GLG1: variants seen among roughly 807,000 people sequenced by gnomAD.
GLG1 encodes golgi glycoprotein 1.
In GLG1, 38 loss-of-function variants were observed where a neutral mutation model predicts 160.5. That is an observed-to-expected ratio of 0.24 (90% CI 0.18 to 0.31). The LOEUF (loss-of-function observed/expected upper bound fraction) is 0.31, where lower values mean the gene tolerates loss of function less well. GLG1 is among the 10% of genes least tolerant of loss of function. The pLI is 1.00. For synonymous variants in GLG1, 644 were observed against 543.4 expected (o/e 1.19, Z -2.57); for missense variants, 1,373 against 1,505.2 (o/e 0.91, Z 1.45).
chr16:74,451,881 G>A lies in GLG1; in HGVS notation c.*1286C>T, dbSNP rs1024287089. 2.6e-5 allele frequency: 15 copies of A among 581,508 alleles called. No homozygotes were observed. The highest frequency in any genetic ancestry group is 8.6e-5 in the East Asian group (3 of 34,770). The allele number at this position is 581,508 out of a possible 1,614,324, so 36.0% of individuals were successfully genotyped here. A position where few individuals can be genotyped will look rare whatever the true frequency, so the allele number is the denominator to read the frequency against. On this transcript the variant is annotated 3_prime_UTR_variant, in exon 26 of 26. Transcript: ENST00000422840. ...CATATTCTGCAAAGGTTGATGAATC[G>A]CCAAAATACAACATTTAGCCAATGC...
intron 2 of GLG1, among the ~76,000 whole-genome samples, chr16:74,522,252 G>A (rs1465992372): frequency 6.6e-6 from 1 of 152,210 alleles, no homozygotes; most frequent in Non-Finnish European, 1.5e-5. Flanking sequence ...AGCCCTTTTG[G>A]GCAGATTTAC....
At chr16:74,602,419 G>A (rs1262936504) in intron 1 of GLG1, among the ~76,000 whole-genome samples, 1 of 152,172 alleles carries the variant, frequency 6.6e-6, no homozygotes, top group African/African-American at 2.4e-5. Flanking sequence ...AGACATGCTT[G>A]AAGTATTTGA....
At chr16:74,532,055 G>C (rs1178414053) in intron 2 of GLG1, 66 bp downstream of exon 2, 1 of 616,662 alleles carries the variant, frequency 1.6e-6, no homozygotes, top group African/African-American at 1.9e-5. Flanking sequence ...AACAGGAAGA[G>C]CATCCCGAAA....
chr16:74,534,538 A>G (rs1165877034), intron 1 of GLG1, among the ~76,000 whole-genome samples: 1 of 152,118 alleles, frequency 6.6e-6, no homozygotes, highest in East Asian at 1.9e-4. Flanking sequence ...ATAATGTCAA[A>G]TAAGATGTAA....
intron 12 of GLG1, among the ~76,000 whole-genome samples, chr16:74,476,238 G>C (rs73606792): frequency 0.019 from 2,844 of 152,186 alleles, 47 homozygotes; most frequent in Non-Finnish European, 0.019. Context: ...CTGCAATGTA[G>C]TGCAGCTTTC....
chr16:74,496,053 C>T (rs1401586206), intron 5 of GLG1, among the ~76,000 whole-genome samples: 13 of 152,122 alleles, frequency 8.5e-5, no homozygotes, highest in Admixed American at 2.6e-4. Flanking sequence ...CACCTCAGGC[C>T]AGGGGTTCAA....
At chr16:74,567,554 C>CTTTTTTTTTTTTTTTTT (rs869140658) in intron 1 of GLG1, among the ~76,000 whole-genome samples, 1 of 66,450 alleles carries the variant, frequency 1.5e-5, no homozygotes, top group Non-Finnish European at 2.6e-5. Flanking sequence ...GGTGCACTTT[C>CTTTTTTTTTTTTTTTTT]TTTTTTTTTT....
rs578085964 is a variant in GLG1 at position 74,599,661 on chromosome 16, G to A, written c.438+6996C>T. Among the ~76,000 whole-genome samples the A allele has an allele frequency of 3.1e-4, 47 of 151,912 alleles. No individual in the cohort carries two copies. The South Asian group carries it at 5.6e-3, about 18-fold the overall frequency. ...GGGCAGATCACGAGGTCAGGAGATC[G>A]AGACCATCCTGGCCAACATGGTGAA... On this transcript the variant is annotated intron_variant, in intron 1 of 25. Coordinates refer to ENST00000422840, the MANE Select transcript of GLG1 (RefSeq NM_001145667.2).
At chr16:74,505,426 A>G (rs2016560199) in intron 3 of GLG1, among the ~76,000 whole-genome samples, 1 of 152,188 alleles carries the variant, frequency 6.6e-6, no homozygotes, top group Non-Finnish European at 1.5e-5. Flanking sequence ...GTGATGCCTA[A>G]AAGAGGGCCA....
At chr16:74,528,631 G>C (rs904819821) in intron 2 of GLG1, among the ~76,000 whole-genome samples, 1 of 151,606 alleles carries the variant, frequency 6.6e-6, no homozygotes, top group Non-Finnish European at 1.5e-5. Flanking sequence ...GACCAACATG[G>C]TGAAACCCTG....
rs142305226 is a variant in GLG1 at position 74,602,725 on chromosome 16, G to C, written c.438+3932C>G. Among the ~76,000 whole-genome samples the C allele has an allele frequency of 3.2e-3, 480 of 152,178 alleles. 5 individuals are homozygous for C. The highest frequency in any genetic ancestry group is 0.011 in the African/African-American group (473 of 41,520). On this transcript the variant is annotated intron_variant, in intron 1 of 25. Coordinates refer to ENST00000422840, the MANE Select transcript of GLG1 (RefSeq NM_001145667.2). ...TTGAACTCGGGAGGCTGAGGTTGCA[G>C]TGAGCCAAGATCGTGCCCCTGCACT... is the stretch of plus-strand genomic sequence containing the variant.
intron 1 of GLG1, among the ~76,000 whole-genome samples, chr16:74,555,626 C>T (rs577537224): frequency 6.6e-6 from 1 of 151,930 alleles, no homozygotes; most frequent in Admixed American, 6.6e-5. Context: ...GAATTCAAGG[C>T]TACAGTGAGC....
chr16:74,574,905 A>AAAAAC (rs2018946428), intron 1 of GLG1, among the ~76,000 whole-genome samples: 1 of 127,828 alleles, frequency 7.8e-6, no homozygotes, highest in Non-Finnish European at 1.6e-5. Context: ...AAAAAAAAAA[A>AAAAAC]AAAAAAAAGA....
At chr16:74,605,360 C>T (rs947850471) in intron 1 of GLG1, among the ~76,000 whole-genome samples, 3 of 152,164 alleles carry the variant, frequency 2.0e-5, no homozygotes, top group Admixed American at 1.3e-4. Flanking sequence ...GCTGTTTCTA[C>T]CACAAACTAC....
chr16:74,512,688 A>G (rs1597291198), intron 2 of GLG1, among the ~76,000 whole-genome samples: 1 of 152,312 alleles, frequency 6.6e-6, no homozygotes, highest in East Asian at 1.9e-4. Flanking sequence ...GAAGGAAAAA[A>G]AAAAAAAGAC....
chr16:74,560,511 A>C (rs1267904965), intron 1 of GLG1, among the ~76,000 whole-genome samples: 2 of 151,646 alleles, frequency 1.3e-5, no homozygotes, highest in African/African-American at 2.4e-5. Flanking sequence ...AGCCTAGCTA[A>C]TTTTTGTATT....
At chr16:74,572,483 A>C (rs1164251384) in intron 1 of GLG1, among the ~76,000 whole-genome samples, 2 of 150,178 alleles carry the variant, frequency 1.3e-5, no homozygotes, top group Non-Finnish European at 3.0e-5. Context: ...ACTGCCCTCC[A>C]GCCTGGGAAA....
chr16:74,604,350 G>A lies in GLG1; in HGVS notation c.438+2307C>T, dbSNP rs180962084. 2.8e-3 allele frequency among the ~76,000 whole-genome samples: 430 copies of A among 152,226 alleles called. 1 individual carries two copies. Among genetic ancestry groups the A allele is most frequent in the Admixed American group, 0.014 (214 of 15,264 alleles). On this transcript the variant is annotated intron_variant, in intron 1 of 25. Transcript: ENST00000422840. ...AGTATTTTAGAGAAGACAAGAATTC[G>A]GAAGGGTGTGCACAGATGATATGGA...
intron 4 of GLG1, among the ~76,000 whole-genome samples, chr16:74,502,560 T>G (rs1376222837): frequency 6.6e-6 from 1 of 151,898 alleles, no homozygotes; most frequent in East Asian, 1.9e-4. Context: ...TTTGTTTTTT[T>G]TGAGACGGAG....
Sources: allele counts gnomAD v4.1 joint callset (sites outside exome capture counted in the v4.1 genomes callset), GRCh38; gene constraint gnomAD v4.1.1; transcripts MANE v1.5; gene names NCBI Gene and HGNC (gene_info 2026-07-23, HGNC 2026-07-21).